CSMD1: variants seen among roughly 807,000 people sequenced by gnomAD.
The protein encoded by CSMD1 is CUB and Sushi multiple domains 1.
Under a neutral mutation model 417.5 loss-of-function variants are expected in CSMD1, and 213 were observed. The observed-to-expected ratio is 0.51, with a 90% confidence interval of 0.46 to 0.57. The LOEUF is 0.57. Among genes scored for constraint, CSMD1 ranks in the 20% least tolerant of loss-of-function variants. CSMD1 has a pLI of 0.00. For synonymous variants in CSMD1, 2,862 were observed against 1,736.8 expected (o/e 1.65, Z -16.11); for missense variants, 6,923 against 4,529.7 (o/e 1.53, Z -15.17).
intron 1 of CSMD1, among the ~76,000 whole-genome samples, chr8:4,811,839 T>C (rs957881264): frequency 6.6e-6 from 1 of 152,160 alleles, no homozygotes; most frequent in Non-Finnish European, 1.5e-5. Flanking sequence ...TTTTTTTTCT[T>C]CTATGAGACA....
chr8:3,147,013 G>A (rs574635979), intron 40 of CSMD1, among the ~76,000 whole-genome samples: 20 of 152,152 alleles, frequency 1.3e-4, no homozygotes, highest in African/African-American at 4.6e-4. Context: ...CTTCAAGAAG[G>A]GGCAATAACG....
At chr8:3,033,224 T>G (rs1203343733) in intron 50 of CSMD1, among the ~76,000 whole-genome samples, 1 of 152,140 alleles carries the variant, frequency 6.6e-6, no homozygotes, top group Admixed American at 6.6e-5. Context: ...GTGAAAACAT[T>G]CTCTTTGATT....
chr8:3,833,980 G>A (rs548345329), intron 5 of CSMD1, among the ~76,000 whole-genome samples: 1 of 152,070 alleles, frequency 6.6e-6, no homozygotes, highest in South Asian at 2.1e-4. Context: ...TTCCTATACG[G>A]TTTGAACACC....
chr8:3,628,120 A>C lies in CSMD1; in HGVS notation c.1010-11323T>G, dbSNP rs143818580. Reference sequence around the variant, plus strand: ...CATAGAAAAAGACCGGCAGTGTTGCAGGATATACTGTCTTCACCTTTGTTG... The same window carrying C: ...CATAGAAAAAGACCGGCAGTGTTGCCGGATATACTGTCTTCACCTTTGTTG... On this transcript the variant is annotated intron_variant, in intron 7 of 69. Coordinates refer to ENST00000635120, the MANE Select transcript of CSMD1 (RefSeq NM_033225.6). Among the ~76,000 whole-genome samples, 992 of 152,348 alleles carry C rather than the reference A, an allele frequency of 6.5e-3. 7 individuals carry two copies. The highest frequency in any genetic ancestry group is 8.6e-3 in the Non-Finnish European group (588 of 68,020).
chr8:4,283,478 G>A (rs1011250580), intron 3 of CSMD1, among the ~76,000 whole-genome samples: 3 of 152,054 alleles, frequency 2.0e-5, no homozygotes, highest in South Asian at 2.1e-4. Context: ...CTCCCACTTT[G>A]TACCAATATA....
At chr8:4,483,963 C>G (rs1379691746) in intron 2 of CSMD1, among the ~76,000 whole-genome samples, 1 of 152,092 alleles carries the variant, frequency 6.6e-6, no homozygotes, top group Non-Finnish European at 1.5e-5. Context: ...CATTGACAGT[C>G]CTGCGTTTTC....
chr8:3,362,409 T>C (rs1809251255), intron 20 of CSMD1, among the ~76,000 whole-genome samples: 2 of 152,194 alleles, frequency 1.3e-5, no homozygotes, highest in African/African-American at 4.8e-5. Flanking sequence ...TTAGGCTTCC[T>C]CTTACTAAGT....
chr8:3,607,193 C>A (rs1801661063), intron 8 of CSMD1, among the ~76,000 whole-genome samples: 1 of 152,036 alleles, frequency 6.6e-6, no homozygotes, highest in Non-Finnish European at 1.5e-5. Flanking sequence ...AGCGCACTAG[C>A]CTAGGCCTGC....
chr8:3,010,939 GCTGGT>G (rs200224783), intron 52 of CSMD1, among the ~76,000 whole-genome samples: 2,345 of 152,052 alleles, frequency 0.015, 21 homozygotes, highest in East Asian at 0.038. Context: ...TGTTGGCCAG[GCTGGT>G]CTGGAACTCC....
At chr8:4,980,539 T>C (rs1430410415) in intron 1 of CSMD1, among the ~76,000 whole-genome samples, 3 of 152,204 alleles carry the variant, frequency 2.0e-5, no homozygotes, top group African/African-American at 7.2e-5. Context: ...TTGGGTGAGA[T>C]ATTGAAATCC....
chr8:3,376,582 G>A (rs923370217), intron 18 of CSMD1, among the ~76,000 whole-genome samples: 1 of 151,606 alleles, frequency 6.6e-6, no homozygotes, highest in African/African-American at 2.4e-5. Context: ...TTTTTTTGTT[G>A]TTAAAACTAT....
rs141019307 is a variant in CSMD1, at chr8:3,047,649, C to T, written c.7660+4813G>A. Among the ~76,000 whole-genome samples the T allele has an allele frequency of 2.5e-3, 384 of 152,288 alleles. 1 individual carries two copies. Among genetic ancestry groups the T allele is most frequent in the African/African-American group, 8.8e-3 (366 of 41,546 alleles). On this transcript the variant is annotated intron_variant, in intron 50 of 69. Coordinates refer to ENST00000635120, the MANE Select transcript of CSMD1 (RefSeq NM_033225.6). ...TTTCGAAACTCTCTGCTTCTCCCTT[C>T]CTTTACCCCCAACCAACGACTTAAA...
chr8:3,773,594 G>A (rs894379562), intron 5 of CSMD1, among the ~76,000 whole-genome samples: 2 of 152,096 alleles, frequency 1.3e-5, no homozygotes, highest in African/African-American at 4.8e-5. Flanking sequence ...TCCTATAATA[G>A]GTATTTAGTG....
At chr8:4,734,999 G>T (rs1482844578) in intron 1 of CSMD1, among the ~76,000 whole-genome samples, 1 of 152,224 alleles carries the variant, frequency 6.6e-6, no homozygotes, top group South Asian at 2.1e-4. Flanking sequence ...ATGTTGCTGA[G>T]AAGTGCTCGG....
intron 1 of CSMD1, among the ~76,000 whole-genome samples, chr8:4,771,099 G>C (rs141558192): frequency 6.6e-6 from 1 of 152,158 alleles, no homozygotes; most frequent in Non-Finnish European, 1.5e-5. Flanking sequence ...ATAACTCATA[G>C]CACTCAACAT....
chr8:3,797,906 G>A (rs1563091311), intron 5 of CSMD1, among the ~76,000 whole-genome samples: 1 of 151,932 alleles, frequency 6.6e-6, no homozygotes, highest in Non-Finnish European at 1.5e-5. Flanking sequence ...ACGCATCCCT[G>A]TCAACATTTG....
At chr8:4,216,144 C>T (rs1028813554) in intron 3 of CSMD1, among the ~76,000 whole-genome samples, 1 of 151,984 alleles carries the variant, frequency 6.6e-6, no homozygotes, top group East Asian at 1.9e-4. Flanking sequence ...TATGTAATCC[C>T]ATTTTTTCAC....
chr8:3,289,330 G>A (rs1262258371), intron 25 of CSMD1, among the ~76,000 whole-genome samples: 1 of 147,188 alleles, frequency 6.8e-6, no homozygotes, highest in Non-Finnish European at 1.5e-5. Flanking sequence ...ATAATCCTTT[G>A]GGTATATACC....
At chr8:4,363,728 T>C (rs74432575) in intron 3 of CSMD1, among the ~76,000 whole-genome samples, 229 of 152,270 alleles carry the variant, frequency 1.5e-3, no homozygotes, top group East Asian at 0.011. Flanking sequence ...GTTCCACCCA[T>C]GTTGTTGCAA....
Sources: gnomAD v4.1 joint callset for allele counts (sites outside exome capture counted in the v4.1 genomes callset) on GRCh38, gnomAD v4.1.1 for gene constraint, MANE v1.5 for transcripts, NCBI Gene and HGNC (gene_info 2026-07-23, HGNC 2026-07-21) for gene names.